The following ARL13B variants were observed in gnomAD, a reference collection of about 807,000 sequenced individuals.
The protein encoded by ARL13B is ADP-ribosylation factor-like protein 13B.
ARL13B carries 36 observed loss-of-function variants against 56.1 expected under a neutral mutation model. That is an observed-to-expected ratio of 0.64 (90% CI 0.49 to 0.85). The LOEUF (loss-of-function observed/expected upper bound fraction) is 0.85, where lower values mean the gene tolerates loss of function less well. ARL13B is among the 40% of genes least tolerant of loss of function. The probability of loss-of-function intolerance (pLI) is 0.00; values close to 1 mark genes in which losing one functional copy is unlikely to be tolerated. For missense variants in ARL13B, 519 were observed against 507.1 expected, an observed-to-expected ratio of 1.02 and a Z score of -0.23; for synonymous variants, 178 against 171.1, an observed-to-expected ratio of 1.04 and a Z score of -0.32.
chr3:93,981,828 C>G (rs1242641547), intron 1 of ARL13B, among the ~76,000 whole-genome samples: 6 of 136,212 alleles, frequency 4.4e-5, no homozygotes, highest in African/African-American at 1.4e-4. Context: ...GAGCCGATAT[C>G]GCTGCACTCC....
chr3:94,000,903 C>T (rs1168243876), intron 2 of ARL13B, among the ~76,000 whole-genome samples: 1 of 151,774 alleles, frequency 6.6e-6, no homozygotes, highest in African/African-American at 2.4e-5. Context: ...ATAATGGGCC[C>T]TAAATACATG....
chr3:93,983,408 G>A (rs1710307058), intron 1 of ARL13B, among the ~76,000 whole-genome samples: 2 of 152,070 alleles, frequency 1.3e-5, no homozygotes, highest in Admixed American at 1.3e-4. Context: ...AGTTTGGTAC[G>A]GCTCCATTCA....
chr3:94,038,595 C>T (rs1294201748), intron 5 of ARL13B, among the ~76,000 whole-genome samples: 1 of 140,360 alleles, frequency 7.1e-6, no homozygotes, highest in East Asian at 2.1e-4. Context: ...GCAGTCTCGG[C>T]GCACTGCAAC....
intron 3 of ARL13B, 54 bp downstream of exon 3, chr3:94,003,962 A>G (rs2076093985): frequency 6.2e-7 from 1 of 1,609,288 alleles, no homozygotes; most frequent in Admixed American, 1.7e-5. Context: ...TGGCCACTAA[A>G]GAAATTTACC....
intron 3 of ARL13B, among the ~76,000 whole-genome samples, chr3:94,021,003 G>C (rs2076436060): frequency 1.3e-5 from 2 of 151,810 alleles, no homozygotes; most frequent in South Asian, 2.1e-4. Context: ...CTTCAGAGTA[G>C]AGCTAACCAA....
At chr3:93,986,813 A>G (rs1410885085) in intron 1 of ARL13B, among the ~76,000 whole-genome samples, 2 of 152,104 alleles carry the variant, frequency 1.3e-5, no homozygotes, top group African/African-American at 2.4e-5. Context: ...TACTAAAAAT[A>G]CAAAAAATTA....
intron 1 of ARL13B, among the ~76,000 whole-genome samples, chr3:93,986,053 C>T (rs1405263110): frequency 2.6e-5 from 4 of 152,116 alleles, no homozygotes; most frequent in African/African-American, 9.7e-5. Context: ...TCCAATTAAG[C>T]TGTATGTACA....
intron 2 of ARL13B, among the ~76,000 whole-genome samples, chr3:94,001,071 G>A (rs2076048371): frequency 6.6e-6 from 1 of 152,158 alleles, no homozygotes; most frequent in South Asian, 2.1e-4. Flanking sequence ...CATGTGTTGG[G>A]AAGGTATAGG....
chr3:94,002,656 C>G (rs1047929466), intron 2 of ARL13B, among the ~76,000 whole-genome samples: 1 of 152,060 alleles, frequency 6.6e-6, no homozygotes, highest in Non-Finnish European at 1.5e-5. Context: ...ATTTTCATGC[C>G]TCTCTGAAAA....
At chr3:94,001,807 C>G (rs1464408987) in intron 2 of ARL13B, among the ~76,000 whole-genome samples, 1 of 152,182 alleles carries the variant, frequency 6.6e-6, no homozygotes, top group African/African-American at 2.4e-5. Context: ...TGGGGTTCCT[C>G]TCTATTCATA....
chr3:93,988,739 C>T, intron 1 of ARL13B: 1 of 444,256 alleles, frequency 2.3e-6, no homozygotes, highest in Non-Finnish European at 4.5e-6. Flanking sequence ...TCTTGGTTAG[C>T]CACTTTGGCC....
In ARL13B at chr3:94,003,847, A is replaced by G. The variant is rs757443869; in HGVS notation, c.319A>G (p.Thr107Ala). The change falls in exon 3 of 10, where the codon ACA (threonine) becomes GCA (alanine). Residue 107 changes from threonine to alanine, a missense_variant. Thr to Ala is a moderately conservative substitution (Grantham distance 58, BLOSUM62 0). Coordinates refer to ENST00000394222, the MANE Select transcript of ARL13B (RefSeq NM_001174150.2). ...CAGTGATGAAGAGAGAATGGAAGAG[A>G]CAAAAGAGGCTATGTCAGAAATGCT... ...DSSDEERMEE[T>A]KEAMSEMLRH... The G allele has an allele frequency of 1.9e-6, 3 of 1,613,618 alleles. No homozygotes were observed. The African/African-American group carries it at 4.0e-5, about 22-fold the overall frequency.
rs570187932 is a variant in ARL13B, at chr3:94,036,516, C to A, written c.487-36C>A. ...TTTATGAATAGATTTGTGTGGAGAC[C>A]TTTTAATCTTTTAGTCAAATAAATT... On this transcript the variant is annotated intron_variant, in intron 4 of 9. Coordinates refer to ENST00000394222, the MANE Select transcript of ARL13B (RefSeq NM_001174150.2). 3.7e-6 allele frequency: 6 copies of A among 1,600,880 alleles called. No homozygotes were observed. In the African/African-American group the frequency reaches 6.7e-5, roughly 18 times the overall value.
rs535517549 is a variant in ARL13B at position 94,006,013 on chromosome 3, A to G, written c.380+2105A>G. 1.0e-3 allele frequency among the ~76,000 whole-genome samples: 158 copies of G among 152,284 alleles called. 3 individuals carry two copies. Among genetic ancestry groups the G allele is most frequent in the Non-Finnish European group, 1.0e-3 (68 of 68,024 alleles). The stretch of plus-strand genomic sequence containing the variant: ...ATACAGTATTCATATAATAAATACA[A>G]TTTTGAGCCGGGCACGGTGGCTCAC... On this transcript the variant is annotated intron_variant, in intron 3 of 9. Transcript: ENST00000394222.
intron 5 of ARL13B, among the ~76,000 whole-genome samples, chr3:94,037,660 G>A (rs2076792003): frequency 6.6e-6 from 1 of 151,760 alleles, no homozygotes; most frequent in Admixed American, 6.6e-5. Flanking sequence ...ATCATATAAA[G>A]CTCAGTACAA....
At chr3:94,000,228 A>G (rs901589503) in intron 2 of ARL13B, among the ~76,000 whole-genome samples, 2 of 152,202 alleles carry the variant, frequency 1.3e-5, no homozygotes, top group African/African-American at 2.4e-5. Context: ...GGCCATGGTC[A>G]AAGTATTTAT....
Position 94,036,602 on chromosome 3 carries a change from T to TA in ARL13B, c.543dup (p.Gly182ArgfsTer14). 1 of 1,614,054 alleles carries TA rather than the reference T, an allele frequency of 6.2e-7. No homozygotes were observed. The highest frequency in any genetic ancestry group is 8.5e-7 in the Non-Finnish European group (1 of 1,180,002). ...ATGGAAAGAAAATTGACAAGTCCAT[T>TA]AAAAAAGGCCTTTATTGGCTGCTAC... On this transcript the variant is annotated frameshift_variant, in exon 5 of 10. Coordinates refer to ENST00000394222, the MANE Select transcript of ARL13B (RefSeq NM_001174150.2). LOFTEE classifies it high-confidence loss of function.
intron 6 of ARL13B, among the ~76,000 whole-genome samples, chr3:94,041,650 T>C (rs1249200088): frequency 6.6e-6 from 1 of 152,186 alleles, no homozygotes; most frequent in African/African-American, 2.4e-5. Flanking sequence ...TAGTCTTATG[T>C]GACTCTGTGA....
intron 3 of ARL13B, among the ~76,000 whole-genome samples, chr3:94,024,400 C>T (rs2076513026): frequency 6.6e-6 from 1 of 152,144 alleles, no homozygotes; most frequent in Admixed American, 6.6e-5. Context: ...GATTTTCTAT[C>T]CATAAAAATT....
Sources: allele counts gnomAD v4.1 joint callset (sites outside exome capture counted in the v4.1 genomes callset), GRCh38; gene constraint gnomAD v4.1.1; transcripts MANE v1.5; gene names NCBI Gene and HGNC (gene_info 2026-07-23, HGNC 2026-07-21).